Variants in ARID1B observed in about 807,000 individuals in gnomAD.
ARID1B encodes the protein AT-rich interactive domain-containing protein 1B.
In ARID1B, 30 loss-of-function variants were observed where a neutral mutation model predicts 212.3. The observed-to-expected ratio is 0.14, with a 90% CI of 0.11 to 0.19. The LOEUF is 0.19. Among genes scored for constraint, ARID1B ranks in the 10% least tolerant of loss-of-function variants. The pLI, the probability that ARID1B is intolerant of heterozygous loss-of-function variation, is 1.00. For missense variants in ARID1B, 2,891 were observed against 3,204.0 expected (o/e 0.90, Z 2.36); for synonymous variants, 1,402 against 1,301.7 (o/e 1.08, Z -1.66).
chr6:156,921,678 G>C (rs1208738650), intron 3 of ARID1B, among the ~76,000 whole-genome samples: 1 of 152,056 alleles, frequency 6.6e-6, no homozygotes, highest in Non-Finnish European at 1.5e-5. Context: ...TAATTTAGTA[G>C]ATCAAATGAT....
At chr6:156,873,234 A>G (rs1341909346) in intron 2 of ARID1B, among the ~76,000 whole-genome samples, 1 of 152,232 alleles carries the variant, frequency 6.6e-6, no homozygotes, top group Non-Finnish European at 1.5e-5. Flanking sequence ...ATATTTAATT[A>G]CATAAATTAA....
chr6:156,878,853 T>C (rs1334165808), intron 2 of ARID1B, among the ~76,000 whole-genome samples: 1 of 152,226 alleles, frequency 6.6e-6, no homozygotes, highest in Non-Finnish European at 1.5e-5. Flanking sequence ...GTAAGAGAAT[T>C]GTCATCATCA....
intron 12 of ARID1B, among the ~76,000 whole-genome samples, chr6:157,182,170 G>A (rs1193777045): frequency 6.6e-6 from 1 of 152,142 alleles, no homozygotes; most frequent in Non-Finnish European, 1.5e-5. Flanking sequence ...GATCACTTGA[G>A]CCCAGGAGTT....
chr6:156,874,078 G>C (rs998833939), intron 2 of ARID1B, among the ~76,000 whole-genome samples: 6 of 152,006 alleles, frequency 3.9e-5, no homozygotes, highest in African/African-American at 1.5e-4. Context: ...TTTTTTGTTT[G>C]TTTGTTTTAT....
intron 7 of ARID1B, among the ~76,000 whole-genome samples, chr6:157,144,366 A>G (rs1056508312): frequency 6.6e-6 from 1 of 152,226 alleles, no homozygotes. Context: ...CTTCTAAAGC[A>G]AAGGGCACAT....
rs1041462896 is a variant in ARID1B, at chr6:157,057,393, T to C, written c.2248-27269T>C. 8.5e-5 allele frequency among the ~76,000 whole-genome samples: 13 copies of C among 152,060 alleles called. No homozygotes were observed. The East Asian group carries it at 1.2e-3, about 14-fold the overall frequency. ...AACTATCCTTTATCTTTTAAAAAAATCAATCTTTTCAATTATGTTTGCAGG... is the reference window on the plus strand; with the variant it reads ...AACTATCCTTTATCTTTTAAAAAAACCAATCTTTTCAATTATGTTTGCAGG... On this transcript the variant is annotated intron_variant, in intron 4 of 19. Coordinates refer to ENST00000636930, the MANE Select transcript of ARID1B (RefSeq NM_001374828.1).
chr6:157,175,031 T>G (rs1562323989), intron 11 of ARID1B, 26 bp downstream of exon 11: 2 of 1,359,410 alleles, frequency 1.5e-6, no homozygotes, highest in South Asian at 2.2e-5. Flanking sequence ...TTTTTTTTGT[T>G]TTTTTTGTTT....
At chr6:156,979,644 G>A (rs1298490380) in intron 4 of ARID1B, among the ~76,000 whole-genome samples, 1 of 151,464 alleles carries the variant, frequency 6.6e-6, no homozygotes, top group Non-Finnish European at 1.5e-5. Flanking sequence ...TGCAACCTCC[G>A]CCTCCCAGGT....
At chr6:157,178,352 T>C (rs1792255878) in intron 11 of ARID1B, among the ~76,000 whole-genome samples, 1 of 152,204 alleles carries the variant, frequency 6.6e-6, no homozygotes, top group African/African-American at 2.4e-5. Context: ...ACCCAAACTC[T>C]GACTTGTGAA....
chr6:157,184,783 G>C (rs1032771921), intron 13 of ARID1B: 2 of 322,612 alleles, frequency 6.2e-6, no homozygotes, highest in African/African-American at 4.4e-5. Flanking sequence ...AGATCCCCCA[G>C]TGGCCAGTTT....
chr6:156,970,323 TC>T (rs1776842814), intron 4 of ARID1B, among the ~76,000 whole-genome samples: 1 of 152,192 alleles, frequency 6.6e-6, no homozygotes, highest in African/African-American at 2.4e-5. Flanking sequence ...CCTCAAGTGA[TC>T]CACCTGCCTC....
rs906725186 is a variant in ARID1B, at chr6:157,041,663, C to A, written c.2248-42999C>A. ...CCAGTGTTAGGTAAGGAAACAGGAA[C>A]TCAGAGTCTAGAACTTGCTCAAGTT... On this transcript the variant is annotated intron_variant, in intron 4 of 19. Transcript: ENST00000636930. Among the ~76,000 whole-genome samples, 3 of 152,172 alleles carry A rather than the reference C, an allele frequency of 2.0e-5. No individual in the cohort carries two copies. The South Asian group carries it at 6.2e-4, about 31-fold the overall frequency.
intron 2 of ARID1B, among the ~76,000 whole-genome samples, chr6:156,835,241 A>C (rs76579658): frequency 2.1e-5 from 1 of 46,758 alleles, no homozygotes; most frequent in Non-Finnish European, 5.3e-5. Context: ...CTCTGTCACA[A>C]AAAAAAAAAA....
In ARID1B at chr6:157,206,810, A is replaced by C. The variant is rs1794492003; in HGVS notation, c.6038A>C (p.Glu2013Ala). Reference sequence around the variant, plus strand: ...TCTGCTCGGCCAGGGGCATTGCCTGAAGACGCAAACCCTGGGCCCCAGACC... The same window carrying C: ...TCTGCTCGGCCAGGGGCATTGCCTGCAGACGCAAACCCTGGGCCCCAGACC... Reference protein sequence around the residue: ...VLSARPGALPEDANPGPQTES... With the variant: ...VLSARPGALPADANPGPQTES... Residue 2013 changes from glutamate to alanine, a missense_variant, in exon 20 of 20, where the codon GAA (glutamate) becomes GCA (alanine). Around this residue, in one of 7 missense-constraint regions of ARID1B, gnomAD observed 332 missense variants for 369.2 expected, o/e 0.90. Coordinates refer to ENST00000636930, the MANE Select transcript of ARID1B (RefSeq NM_001374828.1). The surrounding 1 kb of genome is among the most constrained non-coding windows in gnomAD (Gnocchi z 6.8). The C allele has an allele frequency of 6.2e-7, 1 of 1,613,942 alleles. No homozygotes were observed. Among genetic ancestry groups the C allele is most frequent in the African/African-American group, 1.3e-5 (1 of 74,922 alleles).
At chr6:156,934,689 CG>C (rs1191335087) in intron 3 of ARID1B, among the ~76,000 whole-genome samples, 3 of 151,506 alleles carry the variant, frequency 2.0e-5, no homozygotes, top group Admixed American at 2.0e-4. Flanking sequence ...GTAAGGTTTT[CG>C]TTAGTTATTT....
chr6:156,812,933 GGTGTGTGTGTGT>G (rs71027314), intron 1 of ARID1B, among the ~76,000 whole-genome samples: 61 of 89,428 alleles, frequency 6.8e-4, no homozygotes, highest in African/African-American at 1.9e-3. Flanking sequence ...TATAATCCTG[GGTGTGTGTGTGT>G]GTGTGTGTGT....
intron 2 of ARID1B, chr6:156,870,157 G>C (rs938376816): frequency 6.6e-6 from 1 of 152,318 alleles, no homozygotes; most frequent in Non-Finnish European, 1.5e-5. Context: ...AGTCTTTGAA[G>C]AAGTAGGAGA....
chr6:156,894,172 G>A (rs1788186810), intron 2 of ARID1B, among the ~76,000 whole-genome samples: 1 of 150,704 alleles, frequency 6.6e-6, no homozygotes, highest in Admixed American at 6.6e-5. Flanking sequence ...CACAAAATAA[G>A]CCAGACACAA....
chr6:157,025,251 G>T lies in ARID1B; in HGVS notation c.2248-59411G>T, dbSNP rs58036375. Among the ~76,000 whole-genome samples the T allele has an allele frequency of 7.4e-3, 1,122 of 152,244 alleles. 20 individuals carry two copies. The highest frequency in any genetic ancestry group is 0.025 in the African/African-American group (1,041 of 41,534). On this transcript the variant is annotated intron_variant, in intron 4 of 19. Coordinates refer to ENST00000636930, the MANE Select transcript of ARID1B (RefSeq NM_001374828.1). Reference sequence around the variant, plus strand: ...CTCAGAACAAAAAGATGTGTTACACGGTGGAAACTAAAGGAATTTTAAGAT... The same window carrying T: ...CTCAGAACAAAAAGATGTGTTACACTGTGGAAACTAAAGGAATTTTAAGAT...
Sources: allele counts gnomAD v4.1 joint callset (sites outside exome capture counted in the v4.1 genomes callset), GRCh38; gene constraint gnomAD v4.1.1; regional missense constraint gnomAD v4.1.1; non-coding constraint Gnocchi (gnomAD v3.1); transcripts MANE v1.5; gene names NCBI Gene and HGNC (gene_info 2026-07-23, HGNC 2026-07-21).